STK35: variants seen among roughly 807,000 people sequenced by gnomAD.
The protein encoded by STK35 is serine/threonine-protein kinase 35.
Under a neutral mutation model 37.3 loss-of-function variants are expected in STK35, and 17 were observed. The ratio of observed to expected loss-of-function variants is 0.46; its 90% CI spans 0.31 to 0.68. The LOEUF (loss-of-function observed/expected upper bound fraction) is 0.68, where lower values mean the gene tolerates loss of function less well. Ranked by LOEUF, STK35 falls within the 30% of genes least tolerant of loss-of-function variation. The pLI, the probability that STK35 is intolerant of heterozygous loss-of-function variation, is 0.05. For missense variants in STK35, 595 were observed against 746.7 expected, an observed-to-expected ratio of 0.80 and a Z score of 2.37; for synonymous variants, 385 against 319.1, an observed-to-expected ratio of 1.21 and a Z score of -2.20.
chr20:2,143,973 T>G lies in STK35; in HGVS notation c.*227T>G. ...CTTTTCTTTTCTTTTTTTTTTTTCCTCTTTCCTTTTTTTAAATTTAAACCA... is the reference window on the plus strand; with the variant it reads ...CTTTTCTTTTCTTTTTTTTTTTTCCGCTTTCCTTTTTTTAAATTTAAACCA... On this transcript the variant is annotated 3_prime_UTR_variant, in exon 4 of 4. Transcript: ENST00000381482. The G allele has an allele frequency of 2.6e-6, 1 of 388,252 alleles. No homozygotes were observed. 24.1% of individuals were successfully genotyped at this position (388,252 alleles called of 1,614,324 possible).
chr20:2,136,922 C>T (rs781329997), intron 3 of STK35, among the ~76,000 whole-genome samples: 7 of 152,048 alleles, frequency 4.6e-5, no homozygotes, highest in Non-Finnish European at 7.4e-5. Context: ...CTGGGGAAGG[C>T]GTGTGGATGG....
intron 3 of STK35, among the ~76,000 whole-genome samples, chr20:2,133,851 C>T (rs1411570078): frequency 6.6e-6 from 1 of 152,180 alleles, no homozygotes; most frequent in African/African-American, 2.4e-5. Context: ...GCTCCACTGC[C>T]CTGACTTTCT....
chr20:2,125,873 C>T (rs1283036669), intron 3 of STK35, among the ~76,000 whole-genome samples: 1 of 152,172 alleles, frequency 6.6e-6, no homozygotes, highest in Non-Finnish European at 1.5e-5. Flanking sequence ...CACACCTCCA[C>T]CCACCGGCAG....
At chr20:2,113,882 C>T (rs1038037147) in intron 2 of STK35, among the ~76,000 whole-genome samples, 1 of 152,202 alleles carries the variant, frequency 6.6e-6, no homozygotes, top group Non-Finnish European at 1.5e-5. Context: ...GACTGAGGCT[C>T]AGAGAGCTTC....
Position 2,122,633 on chromosome 20 carries a change from A to G in STK35, c.*37+5218A>G, listed in dbSNP as rs1044680158. On this transcript the variant is annotated intron_variant, in intron 3 of 3. Transcript: ENST00000381482. ...TATCAGGGCCGCAGTTTTATTATCT[A>G]TAAAATGGAGTTGATCCTATATATC... 4.6e-5 allele frequency among the ~76,000 whole-genome samples: 7 copies of G among 152,190 alleles called. No homozygotes were observed. In the East Asian group the frequency reaches 7.7e-4, roughly 17 times the overall value.
intron 3 of STK35, among the ~76,000 whole-genome samples, chr20:2,130,105 G>A (rs1249440830): frequency 6.6e-6 from 1 of 152,216 alleles, no homozygotes; most frequent in Non-Finnish European, 1.5e-5. Flanking sequence ...TGGGAACAGA[G>A]CCATGTAAGA....
At chr20:2,127,639 C>T (rs1212295856) in intron 3 of STK35, among the ~76,000 whole-genome samples, 1 of 152,112 alleles carries the variant, frequency 6.6e-6, no homozygotes, top group East Asian at 1.9e-4. Context: ...TGACATGGTC[C>T]AGAGGTCCTC....
chr20:2,107,549 G>C (rs182212786), intron 2 of STK35, among the ~76,000 whole-genome samples: 2 of 152,198 alleles, frequency 1.3e-5, no homozygotes, highest in Non-Finnish European at 2.9e-5. Flanking sequence ...CATAATGCAG[G>C]GTCACAAGTG....
In STK35 at chr20:2,142,442, G is replaced by C. The variant is rs537219100; in HGVS notation, c.*38-1342G>C. ...TCATGGCAGCCACGGTGCTGGCTCT[G>C]CCTGACAAAGAAAGGCACGCACAGT... On this transcript the variant is annotated intron_variant, in intron 3 of 3. Transcript: ENST00000381482. 7.2e-5 allele frequency among the ~76,000 whole-genome samples: 11 copies of C among 152,326 alleles called. No individual in the cohort carries two copies. The East Asian group carries it at 2.1e-3, about 29-fold the overall frequency.
intron 2 of STK35, among the ~76,000 whole-genome samples, chr20:2,107,739 G>C (rs1462214431): frequency 6.6e-6 from 1 of 152,152 alleles, no homozygotes; most frequent in African/African-American, 2.4e-5. Flanking sequence ...GGAACCTTCA[G>C]AGCAGAGCAA....
chr20:2,108,784 G>A (rs991894974), intron 2 of STK35, among the ~76,000 whole-genome samples: 6 of 152,300 alleles, frequency 3.9e-5, no homozygotes, highest in Middle Eastern at 3.4e-3. Context: ...TTGGGGTTGC[G>A]TTGGGTAAGG....
At chr20:2,113,217 G>A (rs541685434) in intron 2 of STK35, among the ~76,000 whole-genome samples, 21 of 152,284 alleles carry the variant, frequency 1.4e-4, no homozygotes, top group African/African-American at 4.6e-4. Flanking sequence ...TGGGGAGGCC[G>A]GAAGACTGAG....
chr20:2,132,058 A>G (rs1029537679), intron 3 of STK35, among the ~76,000 whole-genome samples: 1 of 152,038 alleles, frequency 6.6e-6, no homozygotes, highest in Non-Finnish European at 1.5e-5. Context: ...CCTCACCTGC[A>G]TCCTAAGTAT....
At chr20:2,112,113 C>T (rs1985630891) in intron 2 of STK35, among the ~76,000 whole-genome samples, 1 of 152,236 alleles carries the variant, frequency 6.6e-6, no homozygotes, top group Non-Finnish European at 1.5e-5. Context: ...GTGGCGTTGA[C>T]TAAAACCTGG....
chr20:2,112,200 C>T lies in STK35; in HGVS notation c.893-4466C>T, dbSNP rs141412504. ...ATTTTGTATTTCTTTACAGGAAGTG[C>T]CTGTCTTTCCAAAGCTCCTACTGGC... On this transcript the variant is annotated intron_variant, in intron 2 of 3. Coordinates refer to ENST00000381482, the MANE Select transcript of STK35 (RefSeq NM_080836.4). 3.6e-3 allele frequency among the ~76,000 whole-genome samples: 541 copies of T among 152,298 alleles called. 2 individuals are homozygous for T. The highest frequency in any genetic ancestry group is 0.012 in the African/African-American group (505 of 41,556).
chr20:2,114,298 T>G (rs1382182410), intron 2 of STK35, among the ~76,000 whole-genome samples: 1 of 152,086 alleles, frequency 6.6e-6, no homozygotes, highest in Non-Finnish European at 1.5e-5. Context: ...TTGAGGCCAC[T>G]GCACCCGGCC....
intron 3 of STK35, among the ~76,000 whole-genome samples, chr20:2,132,594 T>C (rs1454290157): frequency 6.6e-6 from 1 of 152,044 alleles, no homozygotes. Flanking sequence ...GAACTGTCAG[T>C]CCCCCAGGAG....
chr20:2,142,800 C>T (rs1436590956), intron 3 of STK35, among the ~76,000 whole-genome samples: 1 of 152,178 alleles, frequency 6.6e-6, no homozygotes, highest in Non-Finnish European at 1.5e-5. Flanking sequence ...GGCTGGAGCA[C>T]TGTTGCCCTA....
intron 3 of STK35, among the ~76,000 whole-genome samples, chr20:2,135,777 G>C (rs1482777828): frequency 6.6e-6 from 1 of 152,230 alleles, no homozygotes; most frequent in Non-Finnish European, 1.5e-5. Context: ...TTGAACCCAG[G>C]AGGTGGAGGT....
Sources: allele counts gnomAD v4.1 joint callset (sites outside exome capture counted in the v4.1 genomes callset), GRCh38; gene constraint gnomAD v4.1.1; transcripts MANE v1.5; gene names NCBI Gene and HGNC (gene_info 2026-07-23, HGNC 2026-07-21).